PCGF5: variants seen among roughly 807,000 people sequenced by gnomAD.
PCGF5 encodes polycomb group ring finger 5, also known as polycomb group RING finger protein 5.
Under a neutral mutation model 44.3 loss-of-function variants are expected in PCGF5, and 9 were observed. That is an observed-to-expected ratio of 0.20 (90% CI 0.12 to 0.35). PCGF5 has a LOEUF of 0.35. Among genes scored for constraint, PCGF5 ranks in the 10% least tolerant of loss-of-function variants. The probability of loss-of-function intolerance (pLI) is 1.00; values close to 1 mark genes in which losing one functional copy is unlikely to be tolerated. For missense variants in PCGF5, 146 were observed against 305.3 expected (o/e 0.48, Z 3.89); for synonymous variants, 95 against 102.5 (o/e 0.93, Z 0.44).
chr10:91,182,993 A>G (rs1465095425), intron 1 of PCGF5, among the ~76,000 whole-genome samples: 1 of 152,118 alleles, frequency 6.6e-6, no homozygotes, highest in Non-Finnish European at 1.5e-5. Flanking sequence ...GTTTGTTACT[A>G]TTTCAGTTCT....
intron 1 of PCGF5, among the ~76,000 whole-genome samples, chr10:91,193,093 C>T (rs1844062745): frequency 6.6e-6 from 1 of 152,248 alleles, no homozygotes; most frequent in East Asian, 1.9e-4. Context: ...ACTCCACCCA[C>T]CCATGCTGAG....
At chr10:91,247,675 A>G (rs1845502538) in intron 3 of PCGF5, among the ~76,000 whole-genome samples, 1 of 152,108 alleles carries the variant, frequency 6.6e-6, no homozygotes, top group African/African-American at 2.4e-5. Flanking sequence ...AGAAAATGAG[A>G]AAAATGTCAA....
upstream of PCGF5, among the ~76,000 whole-genome samples, chr10:91,216,782 T>C (rs1329296547): frequency 1.3e-5 from 2 of 152,212 alleles, no homozygotes; most frequent in Non-Finnish European, 2.9e-5. Flanking sequence ...TTGGAAGTTC[T>C]CTTCAATTCT....
intron 9 of PCGF5, among the ~76,000 whole-genome samples, chr10:91,275,589 C>T (rs1448371938): frequency 7.3e-5 from 11 of 150,378 alleles, no homozygotes; most frequent in Admixed American, 6.0e-4. Flanking sequence ...TACAGGCATG[C>T]GCCACCATGC....
intron 1 of PCGF5, among the ~76,000 whole-genome samples, chr10:91,212,806 G>T (rs1844477423): frequency 6.6e-6 from 1 of 152,236 alleles, no homozygotes; most frequent in Non-Finnish European, 1.5e-5. Context: ...TTCTTAGCTG[G>T]AAGTAAGTTT....
At chr10:91,264,626 G>A (rs986815533) in intron 8 of PCGF5, 106 bp downstream of exon 8, 5 of 845,816 alleles carry the variant, frequency 5.9e-6, no homozygotes, top group Non-Finnish European at 9.0e-6. Flanking sequence ...GCTTGGGAAG[G>A]AGAAGAAACT....
intron 1 of PCGF5, among the ~76,000 whole-genome samples, chr10:91,212,733 A>G (rs772897422): frequency 2.6e-5 from 4 of 152,246 alleles, no homozygotes; most frequent in Non-Finnish European, 4.4e-5. Context: ...GCAGCTCTCT[A>G]TAAAAACAAG....
intron 2 of PCGF5, among the ~76,000 whole-genome samples, chr10:91,237,914 G>A (rs748367883): frequency 1.3e-5 from 2 of 152,086 alleles, no homozygotes; most frequent in Admixed American, 6.6e-5. Context: ...TGATAGGAGG[G>A]ATTCTGTCTC....
chr10:91,222,148 TAAG>T (rs1171472669), intron 1 of PCGF5, among the ~76,000 whole-genome samples: 1 of 152,248 alleles, frequency 6.6e-6, no homozygotes, highest in South Asian at 2.1e-4. Context: ...CATTCGTTGA[TAAG>T]AAGACCCAAC....
chr10:91,251,393 C>T lies in PCGF5; in HGVS notation c.427C>T (p.Leu143=). The T allele has an allele frequency of 3.1e-6, 5 of 1,611,256 alleles. No individual in the cohort carries two copies. The highest frequency in any genetic ancestry group is 4.2e-6 in the Non-Finnish European group (5 of 1,178,134). ...AAGTGACCCACAAATTGCTATCTGT[C>T]TAGATTGTTTACGAAATAATGGGCA... The part of the protein sequence containing the change: ...HRSDPQIAIC[L]DCLRNNGQSG... Residue 143 remains leucine, a synonymous_variant, in exon 6 of 10, where the codon CTA becomes TTA. Transcript: ENST00000336126.
rs72815408 is a variant in PCGF5 at position 91,208,830 on chromosome 10, G to T, written c.-183-13859G>T. Among the ~76,000 whole-genome samples, 1,429 of 152,310 alleles carry T rather than the reference G, an allele frequency of 9.4e-3. 8 individuals carry two copies. Among genetic ancestry groups the T allele is most frequent in the Non-Finnish European group, 0.017 (1,125 of 68,032 alleles). Reference sequence around the variant, plus strand: ...CATGGGAAATAGTGACACCTTCAGTGTTGGATGTGTCTCTACTGGTTTTCT... The same window carrying T: ...CATGGGAAATAGTGACACCTTCAGTTTTGGATGTGTCTCTACTGGTTTTCT... On this transcript the variant is annotated intron_variant, in intron 1 of 9. Coordinates refer to the PCGF5 transcript ENST00000614189.
chr10:91,247,853 T>C (rs116897444), intron 3 of PCGF5, among the ~76,000 whole-genome samples: 1 of 152,234 alleles, frequency 6.6e-6, no homozygotes, highest in Non-Finnish European at 1.5e-5. Context: ...AACCCCTAAA[T>C]TGATGCTTGA....
chr10:91,236,312 T>C (rs1188689394), intron 2 of PCGF5, among the ~76,000 whole-genome samples: 2 of 152,170 alleles, frequency 1.3e-5, no homozygotes, highest in African/African-American at 4.8e-5. Context: ...ATAGTAACTG[T>C]CCATACTATA....
intron 9 of PCGF5, among the ~76,000 whole-genome samples, chr10:91,275,737 G>A (rs1439199987): frequency 6.6e-6 from 1 of 151,980 alleles, no homozygotes; most frequent in African/African-American, 2.4e-5. Context: ...ACAGGCGTGA[G>A]CCACTGCGCC....
intron 9 of PCGF5, 63 bp downstream of exon 9, chr10:91,271,760 C>T: frequency 7.3e-7 from 1 of 1,363,352 alleles, no homozygotes; most frequent in Non-Finnish European, 1.0e-6. Context: ...GCACATTCAT[C>T]CCAAACTCAA....
At chr10:91,179,973 A>G (rs984913761) in intron 1 of PCGF5, among the ~76,000 whole-genome samples, 2 of 152,160 alleles carry the variant, frequency 1.3e-5, no homozygotes, top group Middle Eastern at 3.2e-3. Flanking sequence ...CCAATAATAT[A>G]TAACATTTCT....
At chr10:91,165,400 A>G (rs1843481548) in intron 1 of PCGF5, among the ~76,000 whole-genome samples, 1 of 152,240 alleles carries the variant, frequency 6.6e-6, no homozygotes, top group Non-Finnish European at 1.5e-5. Context: ...CTTATTTGGA[A>G]TACTAATATT....
intron 1 of PCGF5, among the ~76,000 whole-genome samples, chr10:91,199,061 T>C (rs1372766423): frequency 6.6e-6 from 1 of 152,212 alleles, no homozygotes; most frequent in East Asian, 1.9e-4. Flanking sequence ...CATGCTGGTT[T>C]GTATCTGTCT....
chr10:91,182,980 A>G (rs1206323922), intron 1 of PCGF5, among the ~76,000 whole-genome samples: 5 of 152,140 alleles, frequency 3.3e-5, no homozygotes, highest in Non-Finnish European at 7.4e-5. Context: ...GGTCCAAGAG[A>G]CTGTTTGTTA....
Sources: allele counts gnomAD v4.1 joint callset (sites outside exome capture counted in the v4.1 genomes callset), GRCh38; gene constraint gnomAD v4.1.1; transcripts MANE v1.5; gene names NCBI Gene and HGNC (gene_info 2026-07-23, HGNC 2026-07-21).